The following HTR1D variants were observed in gnomAD, a reference collection of about 807,000 sequenced individuals.
The protein encoded by HTR1D is 5-hydroxytryptamine receptor 1D.
HTR1D carries 18 observed loss-of-function variants against 21.1 expected under a neutral mutation model. The ratio of observed to expected loss-of-function variants is 0.85; its 90% CI spans 0.59 to 1.27. The LOEUF (loss-of-function observed/expected upper bound fraction) is 1.27. HTR1D is among the 50% of genes most tolerant of loss of function. HTR1D has a pLI of 0.00. For missense variants in HTR1D, 456 were observed against 481.4 expected, an observed-to-expected ratio of 0.95 and a Z score of 0.49; for synonymous variants, 196 against 204.4, an observed-to-expected ratio of 0.96 and a Z score of 0.35.
intron 1 of HTR1D, among the ~76,000 whole-genome samples, chr1:23,204,361 G>A (rs887521169): frequency 6.6e-6 from 1 of 152,122 alleles, no homozygotes; most frequent in African/African-American, 2.4e-5. Context: ...TCCTGACCTC[G>A]TGATCCACCC....
chr1:23,197,978 A>C (rs1349511433), intron 1 of HTR1D, among the ~76,000 whole-genome samples: 1 of 152,036 alleles, frequency 6.6e-6, no homozygotes, highest in Non-Finnish European at 1.5e-5. Context: ...TCAGTTAATA[A>C]GAGTGTGGAG....
intron 1 of HTR1D, among the ~76,000 whole-genome samples, chr1:23,214,470 C>G (rs1369239408): frequency 1.3e-5 from 2 of 152,082 alleles, no homozygotes. Flanking sequence ...ATTTCTCCAA[C>G]AGCTCCCACT....
intron 1 of HTR1D, among the ~76,000 whole-genome samples, chr1:23,215,629 CG>C (rs1360817614): frequency 1.3e-5 from 2 of 152,210 alleles, no homozygotes; most frequent in Non-Finnish European, 2.9e-5. Flanking sequence ...GTCATCCATC[CG>C]TGGCCTAGGA....
chr1:23,216,393 A>G (rs1388113984), intron 1 of HTR1D, among the ~76,000 whole-genome samples: 1 of 152,208 alleles, frequency 6.6e-6, no homozygotes, highest in African/African-American at 2.4e-5. Flanking sequence ...ATATGGGAGG[A>G]AACCACACCT....
intron 1 of HTR1D, among the ~76,000 whole-genome samples, chr1:23,208,265 C>CA (rs1441256899): frequency 6.6e-6 from 1 of 151,882 alleles, no homozygotes; most frequent in Non-Finnish European, 1.5e-5. Flanking sequence ...CCCATCTCTA[C>CA]AAAAAATACA....
chr1:23,206,504 T>G (rs1450204968), intron 1 of HTR1D, among the ~76,000 whole-genome samples: 1 of 152,254 alleles, frequency 6.6e-6, no homozygotes, highest in Non-Finnish European at 1.5e-5. Flanking sequence ...GGCTGTGAAC[T>G]GCATACTCCA....
intron 1 of HTR1D, among the ~76,000 whole-genome samples, chr1:23,209,507 C>T (rs1005969678): frequency 4.7e-5 from 7 of 150,066 alleles, no homozygotes; most frequent in East Asian, 3.9e-4. Context: ...GGGGGGAGGG[C>T]GCTATGTGGG....
intron 1 of HTR1D, among the ~76,000 whole-genome samples, chr1:23,210,503 G>A (rs1238861971): frequency 1.3e-5 from 2 of 152,078 alleles, no homozygotes; most frequent in African/African-American, 2.4e-5. Flanking sequence ...GGACTCTTAG[G>A]AATCATCTAG....
chr1:23,208,051 C>T (rs1241209079), intron 1 of HTR1D, among the ~76,000 whole-genome samples: 1 of 152,178 alleles, frequency 6.6e-6, no homozygotes, highest in Non-Finnish European at 1.5e-5. Context: ...GCGTGAGCCA[C>T]TGCACCCGGC....
chr1:23,197,722 A>C (rs1264631095), intron 1 of HTR1D, among the ~76,000 whole-genome samples: 2 of 144,368 alleles, frequency 1.4e-5, no homozygotes, highest in African/African-American at 5.0e-5. Context: ...ACTCTACCTA[A>C]AAAAAAAAAA....
intron 1 of HTR1D, among the ~76,000 whole-genome samples, chr1:23,198,232 G>A (rs932093811): frequency 6.6e-6 from 1 of 151,362 alleles, no homozygotes; most frequent in Non-Finnish European, 1.5e-5. Flanking sequence ...CGGGCACAGT[G>A]GTGGGCGCCT....
At chr1:23,213,572 C>G (rs1255708742) in intron 1 of HTR1D, among the ~76,000 whole-genome samples, 1 of 152,226 alleles carries the variant, frequency 6.6e-6, no homozygotes, top group African/African-American at 2.4e-5. Context: ...AGACCTTTCA[C>G]TCCCCTACAC....
At chr1:23,199,758 G>A (rs1644703106) in intron 1 of HTR1D, among the ~76,000 whole-genome samples, 1 of 151,956 alleles carries the variant, frequency 6.6e-6, no homozygotes, top group African/African-American at 2.4e-5. Flanking sequence ...AGCCTGGAAT[G>A]CAGTGATGCA....
chr1:23,208,715 A>G (rs1644742085), intron 1 of HTR1D, among the ~76,000 whole-genome samples: 1 of 152,208 alleles, frequency 6.6e-6, no homozygotes, highest in Admixed American at 6.5e-5. Context: ...CCCATTTTAC[A>G]GACGAAGAAA....
intron 1 of HTR1D, among the ~76,000 whole-genome samples, chr1:23,196,792 G>A (rs756282607): frequency 1.3e-5 from 2 of 152,124 alleles, no homozygotes; most frequent in African/African-American, 2.4e-5. Context: ...CTGGCTGGAA[G>A]TGGAAAAACC....
In HTR1D at chr1:23,194,359, T is replaced by C. The variant is rs921079110; in HGVS notation, c.-140A>G. ...CAGAACAGACCACAGTGAAAAGGTC[T>C]CAAGACCAGACTATTCTCTAAGTAC... On this transcript the variant is annotated 5_prime_UTR_variant, in exon 2 of 2. Transcript: ENST00000374619. The C allele has an allele frequency of 2.1e-5, 14 of 661,634 alleles. No individual in the cohort carries two copies. In the East Asian group the frequency reaches 3.6e-4, roughly 17 times the overall value. 41.0% of individuals were successfully genotyped at this position (661,634 alleles called of 1,614,324 possible).
intron 1 of HTR1D, among the ~76,000 whole-genome samples, chr1:23,206,893 C>G (rs1411818799): frequency 6.6e-6 from 1 of 152,206 alleles, no homozygotes; most frequent in Non-Finnish European, 1.5e-5. Flanking sequence ...GCTCCAGGAA[C>G]TGGTGGGGAA....
chr1:23,207,955 G>A (rs1644738494), intron 1 of HTR1D, among the ~76,000 whole-genome samples: 1 of 151,976 alleles, frequency 6.6e-6, no homozygotes, highest in East Asian at 1.9e-4. Flanking sequence ...TAGAGACAGG[G>A]TTTCACCATG....
At chr1:23,216,471 A>G (rs1644773724) in intron 1 of HTR1D, among the ~76,000 whole-genome samples, 1 of 37,898 alleles carries the variant, frequency 2.6e-5, no homozygotes, top group Non-Finnish European at 4.9e-5. Flanking sequence ...TGCTAATGCA[A>G]CCGGGACCCT....
Sources: allele counts gnomAD v4.1 joint callset (sites outside exome capture counted in the v4.1 genomes callset), GRCh38; gene constraint gnomAD v4.1.1; transcripts MANE v1.5; gene names NCBI Gene and HGNC (gene_info 2026-07-23, HGNC 2026-07-21).